Variants in CHL1 observed in about 807,000 individuals in gnomAD.
CHL1 encodes the protein cell adhesion molecule L1 like.
CHL1 carries 96 observed loss-of-function variants against 141.9 expected under a neutral mutation model. The ratio of observed to expected loss-of-function variants is 0.68; its 90% CI spans 0.57 to 0.80. The LOEUF (loss-of-function observed/expected upper bound fraction) is 0.80. CHL1 is among the 30% of genes least tolerant of loss of function. CHL1 has a pLI of 0.00. For synonymous variants in CHL1, 613 were observed against 502.2 expected (o/e 1.22, Z -2.95); for missense variants, 1,820 against 1,457.2 (o/e 1.25, Z -4.05).
intron 1 of CHL1, among the ~76,000 whole-genome samples, chr3:211,089 A>G (rs1699866237): frequency 2.6e-5 from 4 of 152,214 alleles, no homozygotes; most frequent in African/African-American, 9.6e-5. Context: ...GTATCTTAGC[A>G]GAGTCAAAAG....
At chr3:290,829 G>T (rs574070492) in intron 2 of CHL1, among the ~76,000 whole-genome samples, 3 of 151,896 alleles carry the variant, frequency 2.0e-5, no homozygotes, top group African/African-American at 7.2e-5. Context: ...CCAGCTACTT[G>T]GGAGGCTGAG....
chr3:344,103 G>A (rs1702566796), intron 8 of CHL1, among the ~76,000 whole-genome samples: 1 of 152,154 alleles, frequency 6.6e-6, no homozygotes, highest in Non-Finnish European at 1.5e-5. Flanking sequence ...TGCCGAAAGA[G>A]CTTGATAAAT....
chr3:367,933 C>T (rs989691906), intron 15 of CHL1, among the ~76,000 whole-genome samples: 9 of 152,082 alleles, frequency 5.9e-5, no homozygotes, highest in African/African-American at 2.2e-4. Flanking sequence ...GATCTCATTC[C>T]TTTTTATGGC....
chr3:282,062 T>A (rs1696708960), intron 2 of CHL1, among the ~76,000 whole-genome samples: 1 of 152,208 alleles, frequency 6.6e-6, no homozygotes, highest in African/African-American at 2.4e-5. Context: ...CTTTGCTTTT[T>A]TATTCCTTCA....
At chr3:255,789 C>T (rs746065750) in intron 2 of CHL1, among the ~76,000 whole-genome samples, 1 of 152,156 alleles carries the variant, frequency 6.6e-6, no homozygotes, top group Non-Finnish European at 1.5e-5. Flanking sequence ...ATCTAAGGAT[C>T]CCTGGACAGA....
Position 202,702 on chromosome 3 carries a change from G to A in CHL1, c.-175+5639G>A, listed in dbSNP as rs115642528. 7.0e-3 allele frequency among the ~76,000 whole-genome samples: 1,061 copies of A among 152,298 alleles called. 13 individuals carry two copies. The highest frequency in any genetic ancestry group is 0.023 in the African/African-American group (951 of 41,552). On this transcript the variant is annotated intron_variant, in intron 1 of 27. Transcript: ENST00000256509. ...GGCATTGGTTCACAGTCACCCTGGTGTCATGAAATGTGGCTGAAAGAGAAA... is the reference window on the plus strand; with the variant it reads ...GGCATTGGTTCACAGTCACCCTGGTATCATGAAATGTGGCTGAAAGAGAAA...
At chr3:242,345 C>A (rs1165726178) in intron 1 of CHL1, among the ~76,000 whole-genome samples, 3 of 149,814 alleles carry the variant, frequency 2.0e-5, no homozygotes, top group South Asian at 2.2e-4. Flanking sequence ...GCCTGTAATC[C>A]CAGCACTTTG....
At chr3:320,297 G>C (rs1700461792) in intron 3 of CHL1, among the ~76,000 whole-genome samples, 3 of 151,852 alleles carry the variant, frequency 2.0e-5, no homozygotes, top group Admixed American at 6.6e-5. Context: ...ATTTAAGAAT[G>C]AAAACAATGA....
At chr3:342,952 TTG>T (rs1702454346) in intron 7 of CHL1, 30 bp from the exon 8 acceptor site, 4 of 1,564,528 alleles carry the variant, frequency 2.6e-6, no homozygotes, top group Non-Finnish European at 3.5e-6. Flanking sequence ...ACCATTATGT[TTG>T]TGTTTTTTCC....
chr3:307,228 T>C (rs1006285114), intron 2 of CHL1, among the ~76,000 whole-genome samples: 1 of 152,178 alleles, frequency 6.6e-6, no homozygotes, highest in Admixed American at 6.5e-5. Flanking sequence ...AGGACAGTCT[T>C]AGGATGAAAT....
intron 2 of CHL1, among the ~76,000 whole-genome samples, chr3:298,328 A>T (rs1041738721): frequency 6.6e-6 from 1 of 152,196 alleles, no homozygotes; most frequent in African/African-American, 2.4e-5. Flanking sequence ...AGGTAATCAC[A>T]TGGCATGGGT....
chr3:363,384 G>A lies in CHL1; in HGVS notation c.1585+1G>A. ...GTCACAGCCAATTTGGATATTAGAA[G>A]TATTTTTATTTCACTGTTACTTTGC... On this transcript the variant is annotated splice_donor_variant, in intron 14 of 27. Coordinates refer to ENST00000256509, the MANE Select transcript of CHL1 (RefSeq NM_006614.4). LOFTEE classifies it high-confidence loss of function. The A allele has an allele frequency of 1.2e-6, 2 of 1,608,166 alleles. No individual in the cohort carries two copies. The highest frequency in any genetic ancestry group is 1.7e-6 in the Non-Finnish European group (2 of 1,177,408).
intron 9 of CHL1, among the ~76,000 whole-genome samples, chr3:346,696 A>C (rs1345188487): frequency 2.0e-5 from 3 of 152,154 alleles, no homozygotes; most frequent in Non-Finnish European, 4.4e-5. Flanking sequence ...GTTTCTTCTT[A>C]CTCATACTGA....
chr3:201,738 A>G (rs1407243162), intron 1 of CHL1, among the ~76,000 whole-genome samples: 1 of 152,140 alleles, frequency 6.6e-6, no homozygotes, highest in Non-Finnish European at 1.5e-5. Flanking sequence ...TTATGCTTTG[A>G]CCAGGGTTTC....
At chr3:354,564 A>C (rs528598906) in intron 10 of CHL1, 76 bp from the exon 11 acceptor site, 2 of 1,498,756 alleles carry the variant, frequency 1.3e-6, no homozygotes, top group Non-Finnish European at 1.8e-6. Flanking sequence ...GGTGCAAAGT[A>C]GAAATACAGG....
At position 360,457 on chromosome 3, in the gene CHL1, A is replaced by G. The variant is rs370522087; in HGVS notation, c.1306+33A>G. 132 of 1,607,994 alleles carry G rather than the reference A, an allele frequency of 8.2e-5. No homozygotes were observed. In the African/African-American group the frequency reaches 1.2e-3, roughly 14 times the overall value. On this transcript the variant is annotated intron_variant, in intron 12 of 27. Coordinates refer to ENST00000256509, the MANE Select transcript of CHL1 (RefSeq NM_006614.4). The stretch of plus-strand genomic sequence containing the variant: ...TGCCTGGGAGCTGACTTAACATGCT[A>G]TTTTCCTAAGGAAAGTGGTCAAGGT...
chr3:258,760 G>A (rs180750132), intron 2 of CHL1, among the ~76,000 whole-genome samples: 11 of 152,132 alleles, frequency 7.2e-5, no homozygotes, highest in East Asian at 5.8e-4. Flanking sequence ...TGGGACAAAC[G>A]AAAGTGAGAC....
At chr3:392,565 G>T (rs1708314579) in intron 23 of CHL1, among the ~76,000 whole-genome samples, 1 of 152,144 alleles carries the variant, frequency 6.6e-6, no homozygotes. Context: ...GAAATTCGGG[G>T]ATTGACATTA....
rs1006279401 is a variant in CHL1 at position 377,941 on chromosome 3, T to C, written c.1875T>C (p.Leu625=). 1 of 1,603,064 alleles carries C rather than the reference T, an allele frequency of 6.2e-7. No individual in the cohort carries two copies. The highest frequency in any genetic ancestry group is 8.5e-7 in the Non-Finnish European group (1 of 1,176,740). The part of the protein sequence containing the change: ...SAADITQVTV[L]DVPDPPENLH... The stretch of plus-strand genomic sequence containing the variant: ...CCGATATAACTCAAGTAACTGTTCT[T>C]GGTAAGTGCACTAACTAATGAGAAA... The change falls in exon 16 of 28, where the codon CTT becomes CTC. Residue 625 remains leucine (L), a splice_region_variant and synonymous_variant. Transcript: ENST00000256509.
Sources: allele counts gnomAD v4.1 joint callset (sites outside exome capture counted in the v4.1 genomes callset), GRCh38; gene constraint gnomAD v4.1.1; transcripts MANE v1.5; gene names NCBI Gene and HGNC (gene_info 2026-07-23, HGNC 2026-07-21).